NR2C1: variants seen among roughly 807,000 people sequenced by gnomAD.
NR2C1 encodes TR2 nuclear hormone receptor.
A neutral mutation model predicts 74.8 loss-of-function variants in NR2C1; 33 were observed. That is an observed-to-expected ratio of 0.44 (90% CI 0.33 to 0.59). The LOEUF (loss-of-function observed/expected upper bound fraction) is 0.59, where lower values mean the gene tolerates loss of function less well. Among genes scored for constraint, NR2C1 ranks in the 20% least tolerant of loss-of-function variants. NR2C1 has a pLI of 0.02. For missense variants in NR2C1, 568 were observed against 715.6 expected (o/e 0.79, Z 2.35); for synonymous variants, 225 against 240.6 (o/e 0.94, Z 0.60).
In NR2C1 at chr12:95,067,336, C is replaced by T; in HGVS notation, c.49G>A (p.Gly17Arg). ...CAACCGTAAACTAGACATACCTCTC[C>T]CATCTGTTGTTCAATAATTTGATGT... ...IAHQIIEQQM[G>R]EIVTEQQTGQ... Residue 17 changes from glycine to arginine, a missense_variant, in exon 2 of 14, where the codon GGA becomes AGA. Coordinates refer to ENST00000333003, the MANE Select transcript of NR2C1 (RefSeq NM_003297.4). The T allele has an allele frequency of 6.2e-7, 1 of 1,613,556 alleles. No homozygotes were observed. Among genetic ancestry groups the T allele is most frequent in the Non-Finnish European group, 8.5e-7 (1 of 1,179,564 alleles).
chr12:95,030,871 C>A, intron 11 of NR2C1: 1 of 1,611,858 alleles, frequency 6.2e-7, no homozygotes, highest in Non-Finnish European at 8.5e-7. Context: ...ATTACCTTGG[C>A]ATCTAGGAAA....
In NR2C1 at chr12:95,057,631, C is replaced by G. The variant is rs1164372306; in HGVS notation, c.705G>C (p.Leu235=). 6.2e-7 allele frequency: 1 copy of G among 1,613,746 alleles called. No homozygotes were observed. Among genetic ancestry groups the G allele is most frequent in the Non-Finnish European group, 8.5e-7 (1 of 1,179,932 alleles). ...TATTCATGAACATTCCTGAATCTAA[C>G]AGTCCTGTTGACCTGTAACAAATCA... ...TDSESTRSTG[L]LDSGMFMNIH... is the part of the protein sequence containing the mutation. The change falls in exon 7 of 14, where the codon CTG becomes CTC. Residue 235 remains leucine, a synonymous_variant. Transcript: ENST00000333003.
intron 10 of NR2C1, among the ~76,000 whole-genome samples, chr12:95,032,557 CTA>C (rs908912147): frequency 1.3e-5 from 2 of 152,122 alleles, no homozygotes; most frequent in African/African-American, 4.8e-5. Flanking sequence ...CTACTTAAAC[CTA>C]TTTATCCATT....
rs180799088 is a variant in NR2C1 at position 95,045,302 on chromosome 12, C to G, written c.1131+3766G>C. 1.9e-3 allele frequency among the ~76,000 whole-genome samples: 292 copies of G among 152,200 alleles called. 3 individuals are homozygous for G. The highest frequency in any genetic ancestry group is 6.8e-3 in the African/African-American group (282 of 41,518). On this transcript the variant is annotated intron_variant, in intron 9 of 13. Coordinates refer to ENST00000333003, the MANE Select transcript of NR2C1 (RefSeq NM_003297.4). ...CAGCTGGGTCAGAATGTGGAGGGCC[C>G]TAAAAGGTCAAGTTATAGAGACCGG...
At chr12:95,030,799 T>C (rs1000052195) in intron 11 of NR2C1, 3 of 1,613,442 alleles carry the variant, frequency 1.9e-6, no homozygotes, top group Non-Finnish European at 1.7e-6. Flanking sequence ...TCATAAGCCA[T>C]TCTATAGTTA....
intron 7 of NR2C1, among the ~76,000 whole-genome samples, chr12:95,056,590 TAAGTATTTTGGCACTAAAAAATAAAAA>T (rs1190748684): frequency 3.3e-4 from 51 of 152,306 alleles, no homozygotes; most frequent in African/African-American, 1.2e-3. Flanking sequence ...TGAAATATTT[TAAGTATTTTGGCACTAAAAAATAAAAA>T]AAGTATTTTG....
chr12:95,050,959 C>T (rs1054500809), intron 8 of NR2C1, among the ~76,000 whole-genome samples: 3 of 152,076 alleles, frequency 2.0e-5, no homozygotes, highest in Non-Finnish European at 2.9e-5. Context: ...ACAAGTGTTT[C>T]GCTCTCCATA....
chr12:95,054,582 C>A (rs531081387), intron 7 of NR2C1, among the ~76,000 whole-genome samples: 1 of 152,204 alleles, frequency 6.6e-6, no homozygotes, highest in Admixed American at 6.5e-5. Flanking sequence ...GGGATACAGG[C>A]TTGAGCCACT....
intron 9 of NR2C1, among the ~76,000 whole-genome samples, chr12:95,046,418 T>C (rs1197916620): frequency 6.6e-6 from 1 of 152,102 alleles, no homozygotes; most frequent in Non-Finnish European, 1.5e-5. Flanking sequence ...AGATCCCATC[T>C]CTACACAAAA....
At chr12:95,071,649 G>A (rs1417489122) in intron 1 of NR2C1, among the ~76,000 whole-genome samples, 1 of 151,646 alleles carries the variant, frequency 6.6e-6, no homozygotes, top group Non-Finnish European at 1.5e-5. Flanking sequence ...ACAAAATGAG[G>A]CCCCCCACCA....
chr12:95,071,221 T>G (rs1225329611), intron 1 of NR2C1, among the ~76,000 whole-genome samples: 1 of 151,698 alleles, frequency 6.6e-6, no homozygotes, highest in Non-Finnish European at 1.5e-5. Context: ...AAAAAAAAAT[T>G]TTGATTCAAA....
At chr12:95,043,696 A>AAAAAAAAAAAAAAC in intron 9 of NR2C1, among the ~76,000 whole-genome samples, 1 of 151,766 alleles carries the variant, frequency 6.6e-6, no homozygotes, top group Admixed American at 6.6e-5. Context: ...TCTCAAAAAA[A>AAAAAAAAAAAAAAC]AAAAAAATCC....
rs144554486 is a variant in NR2C1, at chr12:95,059,202, C to T, written c.364+704G>A. Reference sequence around the variant, plus strand: ...CTGTAGTCCCAGCTACTCAGAAGGCCGAGGCAGGAGAATTGCTTGAACCCA... The same window carrying T: ...CTGTAGTCCCAGCTACTCAGAAGGCTGAGGCAGGAGAATTGCTTGAACCCA... On this transcript the variant is annotated intron_variant, in intron 4 of 13. Transcript: ENST00000333003. Among the ~76,000 whole-genome samples the T allele has an allele frequency of 8.6e-4, 130 of 150,990 alleles. 3 individuals are homozygous for T. The East Asian group carries it at 0.023, about 26-fold the overall frequency.
chr12:95,068,190 G>A (rs1876018968), intron 1 of NR2C1, among the ~76,000 whole-genome samples: 1 of 152,078 alleles, frequency 6.6e-6, no homozygotes, highest in African/African-American at 2.4e-5. Flanking sequence ...AGCCCTCCAT[G>A]TATCTTTATA....
intron 7 of NR2C1, among the ~76,000 whole-genome samples, chr12:95,052,716 GTACAATTTCTAAAACT>G (rs1592766207): frequency 6.6e-6 from 1 of 151,946 alleles, no homozygotes; most frequent in East Asian, 1.9e-4. Flanking sequence ...AGCCTCCTGA[GTACAATTTCTAAAACT>G]TACTATACAA....
chr12:95,069,320 T>C (rs945308489), intron 1 of NR2C1, among the ~76,000 whole-genome samples: 1 of 152,232 alleles, frequency 6.6e-6, no homozygotes, highest in Non-Finnish European at 1.5e-5. Flanking sequence ...TATAGTCATG[T>C]ACTGCACAAT....
chr12:95,043,966 G>C (rs932441142), intron 9 of NR2C1, among the ~76,000 whole-genome samples: 3 of 152,116 alleles, frequency 2.0e-5, no homozygotes, highest in African/African-American at 7.2e-5. Context: ...CTAGTATTCT[G>C]AATCAGAAAG....
At chr12:95,041,034 G>C (rs918618830) in intron 9 of NR2C1, among the ~76,000 whole-genome samples, 5 of 152,174 alleles carry the variant, frequency 3.3e-5, no homozygotes, top group Admixed American at 3.3e-4. Flanking sequence ...AGTGCAACAG[G>C]CTTGCTGGTA....
At chr12:95,053,481 T>G (rs1031707114) in intron 7 of NR2C1, among the ~76,000 whole-genome samples, 1 of 152,104 alleles carries the variant, frequency 6.6e-6, no homozygotes. Flanking sequence ...TTTCTAATTA[T>G]GATACATGAG....
Sources: allele counts gnomAD v4.1 joint callset (sites outside exome capture counted in the v4.1 genomes callset), GRCh38; gene constraint gnomAD v4.1.1; transcripts MANE v1.5; gene names NCBI Gene and HGNC (gene_info 2026-07-23, HGNC 2026-07-21).